The following TREH variants were observed in gnomAD, a reference collection of about 807,000 sequenced individuals.
The protein encoded by TREH is trehalase, also known as alpha,alpha-trehalose glucohydrolase.
In TREH, 69 loss-of-function variants were observed where a neutral mutation model predicts 80.5. The observed-to-expected ratio is 0.86, with a 90% confidence interval of 0.71 to 1.05. TREH has a LOEUF of 1.05. Among genes scored for constraint, TREH ranks in the 50% least tolerant of loss-of-function variants. The pLI is 0.00. For missense variants in TREH, 716 were observed against 718.8 expected, an observed-to-expected ratio of 1.00 and a Z score of 0.04; for synonymous variants, 309 against 293.5, an observed-to-expected ratio of 1.05 and a Z score of -0.54.
Position 118,659,866 on chromosome 11 carries a change from C to G in TREH, c.1201G>C (p.Asp401His), listed in dbSNP as rs199814175. ...TTCTTCTTCTTCTCAAGGTCGTAAT[C>G]GAACCAGGCTCCGGTCTGCTCATCC... ...LWDEQTGAWF[D>H]YDLEKKKKNR... Residue 401 changes from aspartate to histidine, a missense_variant, in exon 11 of 15, where the codon GAT (aspartate) becomes CAT (histidine). Transcript: ENST00000264029. The G allele has an allele frequency of 6.4e-7, 1 of 1,553,162 alleles. No homozygotes were observed. Among genetic ancestry groups the G allele is most frequent in the Non-Finnish European group, 8.7e-7 (1 of 1,147,672 alleles).
chr11:118,661,642 C>T lies in TREH; in HGVS notation c.612G>A (p.Val204=), dbSNP rs1555145004. Residue 204 remains valine (V), a synonymous_variant, in exon 6 of 15, where the codon GTG becomes GTA. Transcript: ENST00000264029. The surrounding 1 kb of genome is among the most constrained non-coding windows in gnomAD (Gnocchi z 4.2). ...KGMLQNFLDL[V]KTYGHVPNGG... ...AGGTGCCTGGCCCCCCTCACGTTTT[C>T]ACCAGGTCCAAGAAGTTCTGCAGCA... 2 of 1,613,808 alleles carry T rather than the reference C, an allele frequency of 1.2e-6. No homozygotes were observed. The highest frequency in any genetic ancestry group is 1.7e-5 in the Admixed American group (1 of 60,014).
chr11:118,658,915 ATGGCTGAC>A lies in TREH; in HGVS notation c.1527_1534del (p.Lys509AsnfsTer3). On this transcript the variant is annotated frameshift_variant, in exon 13 of 15. Transcript: ENST00000264029. LOFTEE classifies it high-confidence loss of function. ...CTTGGGCCAGCTCACCTTCTCATAC[ATGGCTGAC>A]TTCTGCGAGTAGACATCAAAATTGG... 1 of 1,613,860 alleles carries A rather than the reference ATGGCTGAC, an allele frequency of 6.2e-7. No individual in the cohort carries two copies. Among genetic ancestry groups the A allele is most frequent in the Non-Finnish European group, 8.5e-7 (1 of 1,179,830 alleles).
chr11:118,662,055 T>A, intron 4 of TREH, 65 bp from the exon 5 acceptor site: 1 of 1,363,284 alleles, frequency 7.3e-7, no homozygotes, highest in Non-Finnish European at 1.0e-6. Context: ...TACAGGCAGC[T>A]GGGGGATCTG....
Position 118,661,443 on chromosome 11 carries a change from G to A in TREH, c.684C>T (p.Thr228=), listed in dbSNP as rs782642095. 2.5e-6 allele frequency: 4 copies of A among 1,613,944 alleles called. No homozygotes were observed. Among genetic ancestry groups the A allele is most frequent in the Non-Finnish European group, 3.4e-6 (4 of 1,179,868 alleles). The change falls in exon 7 of 15, where the codon ACC becomes ACT. Residue 228 remains threonine, a synonymous_variant. Transcript: ENST00000264029. The surrounding 1 kb of genome is among the most constrained non-coding windows in gnomAD (Gnocchi z 4.2). Reference sequence around the variant, plus strand: ...GAGTCAAGTAGCAATCCATCATGAGGGTCAAGAGTGGGGGCTGGCTCCGCT... The same window carrying A: ...GAGTCAAGTAGCAATCCATCATGAGAGTCAAGAGTGGGGGCTGGCTCCGCT... ...YLQRSQPPLL[T]LMMDCYLTHT...
chr11:118,658,122 G>A lies in TREH; in HGVS notation c.*167C>T. 1 of 939,862 alleles carries A rather than the reference G, an allele frequency of 1.1e-6. No individual in the cohort carries two copies. The highest frequency in any genetic ancestry group is 1.6e-6 in the Non-Finnish European group (1 of 639,010). 58.2% of individuals were successfully genotyped at this position (939,862 alleles called of 1,614,324 possible). A position where few individuals can be genotyped will look rare whatever the true frequency, so the allele number is the denominator to read the frequency against. On this transcript the variant is annotated 3_prime_UTR_variant, in exon 15 of 15. Transcript: ENST00000264029. ...ATTTCCACCCTATTCAAGGTTCCAG[G>A]AGGGAGCTAGGCCCCTACCCATGAC...
chr11:118,677,627 A>G (rs892173031), intron 1 of TREH, among the ~76,000 whole-genome samples: 1 of 152,214 alleles, frequency 6.6e-6, no homozygotes, highest in Non-Finnish European at 1.5e-5. Context: ...GGGGAGGCTG[A>G]GGCAGGAGAA....
chr11:118,672,713 C>CAAAAAAAAAA (rs58199596), intron 1 of TREH, among the ~76,000 whole-genome samples: 1 of 43,944 alleles, frequency 2.3e-5, no homozygotes, highest in African/African-American at 8.6e-5. Context: ...GACTCCATCT[C>CAAAAAAAAAA]AAAAAAAAAA....
chr11:118,660,140 G>T (rs547473905), intron 10 of TREH, among the ~76,000 whole-genome samples, 176 bp from the exon 11 acceptor site: 2 of 152,192 alleles, frequency 1.3e-5, no homozygotes, highest in African/African-American at 2.4e-5. Context: ...CTATGGCCCC[G>T]CACTGCTCCC....
rs377260560 is a variant in TREH at position 118,663,570 on chromosome 11, C to CGTGT, written c.90-135_90-132dup. On this transcript the variant is annotated intron_variant, in intron 1 of 14. Coordinates refer to ENST00000264029, the MANE Select transcript of TREH (RefSeq NM_007180.3). ...ACTGGACAAGGGCTGTGTGTGCGTG[C>CGTGT]GTGTGTGTGTGTGTGTTAGGAGTTT... 9 of 692,028 alleles carry CGTGT rather than the reference C, an allele frequency of 1.3e-5. No individual in the cohort carries two copies. The Admixed American group carries it at 1.5e-4, about 11-fold the overall frequency. The allele number at this position is 692,028 out of a possible 1,614,324, so 42.9% of individuals were successfully genotyped here.
Position 118,661,439 on chromosome 11 carries a change from T to G in TREH, c.688A>C (p.Met230Leu). The G allele has an allele frequency of 6.2e-7, 1 of 1,613,880 alleles. No individual in the cohort carries two copies. The highest frequency in any genetic ancestry group is 8.5e-7 in the Non-Finnish European group (1 of 1,179,848). ...QRSQPPLLTL[M>L]MDCYLTHTND... ...GTGTGAGTCAAGTAGCAATCCATCA[T>G]GAGGGTCAAGAGTGGGGGCTGGCTC... is the stretch of plus-strand genomic sequence containing the variant. Residue 230 changes from methionine to leucine, a missense_variant, in exon 7 of 15, where the codon ATG (methionine) becomes CTG (leucine). Physicochemically the swap from Met to Leu is conservative, Grantham distance 15 (BLOSUM62 2). Transcript: ENST00000264029. The surrounding 1 kb of genome is among the most constrained non-coding windows in gnomAD (Gnocchi z 4.2).
chr11:118,679,557 A>G lies in TREH; in HGVS notation c.71T>C (p.Leu24Pro). Residue 24 changes from leucine (L) to proline (P), a missense_variant, in exon 1 of 15, where the codon CTA becomes CCA. Physicochemically the swap from Leu to Pro is moderately conservative, Grantham distance 98. Transcript: ENST00000264029. Reference protein sequence around the residue: ...LGLGLGSQEALPPPCESEIYC... With the variant: ...LGLGLGSQEAPPPPCESEIYC... ...CCCCTACCTCTCACAGGGTGGGGGT[A>G]GGGCCTCCTGGGACCCCAGTCCCAG... 2.6e-6 allele frequency: 4 copies of G among 1,543,114 alleles called. No homozygotes were observed. Among genetic ancestry groups the G allele is most frequent in the Middle Eastern group, 1.7e-4 (1 of 5,918 alleles).
chr11:118,675,277 C>G (rs1949467236), intron 1 of TREH, among the ~76,000 whole-genome samples: 2 of 152,192 alleles, frequency 1.3e-5, no homozygotes, highest in African/African-American at 4.8e-5. Flanking sequence ...TTTTCTGACA[C>G]CAACTGCAAT....
At chr11:118,663,293 G>A in intron 2 of TREH, 46 bp downstream of exon 2, 1 of 1,562,842 alleles carries the variant, frequency 6.4e-7, no homozygotes, top group East Asian at 2.4e-5. Flanking sequence ...TGCCTTCTTT[G>A]GAGAGAAGGT....
In TREH at chr11:118,658,362, A is replaced by G; in HGVS notation, c.1679T>C (p.Leu560Pro). The G allele has an allele frequency of 6.2e-7, 1 of 1,605,818 alleles. No individual in the cohort carries two copies. Among genetic ancestry groups the G allele is most frequent in the African/African-American group, 1.3e-5 (1 of 74,868 alleles). ...YGDRLTSGAKLAFLEPHCLAA... is the reference protein window; with the variant it reads ...YGDRLTSGAKPAFLEPHCLAA... ...CAGGCAGTGGGGCTCCAGGAAAGCC[A>G]GCTTGGCCCCTGAGGTCAGCCGGTC... is the stretch of plus-strand genomic sequence containing the variant. The change falls in exon 15 of 15, where the codon CTG becomes CCG. Residue 560 changes from leucine to proline, a missense_variant. Physicochemically the swap from Leu to Pro is moderately conservative, Grantham distance 98. Coordinates refer to ENST00000264029, the MANE Select transcript of TREH (RefSeq NM_007180.3).
In TREH at chr11:118,661,101, G is replaced by A; in HGVS notation, c.857+59C>T. 1 of 1,610,158 alleles carries A rather than the reference G, an allele frequency of 6.2e-7. No individual in the cohort carries two copies. The highest frequency in any genetic ancestry group is 1.1e-5 in the South Asian group (1 of 90,822). ...CTCCTCCTCCTGCCCGGGGCATTGTGATGCTCTAACCAGAGTGAGCAGGTA... is the reference window on the plus strand; with the variant it reads ...CTCCTCCTCCTGCCCGGGGCATTGTAATGCTCTAACCAGAGTGAGCAGGTA... On this transcript the variant is annotated intron_variant, in intron 8 of 14. Coordinates refer to ENST00000264029, the MANE Select transcript of TREH (RefSeq NM_007180.3). This position sits in a 1 kb window ranked among gnomAD's most constrained non-coding sequence, Gnocchi z 4.2.
At chr11:118,666,602 C>T (rs1380367910) in intron 1 of TREH, among the ~76,000 whole-genome samples, 1 of 152,220 alleles carries the variant, frequency 6.6e-6, no homozygotes, top group Non-Finnish European at 1.5e-5. Context: ...TTTCAGGTTA[C>T]ATCTACTACG....
chr11:118,658,855 G>A, intron 13 of TREH, 50 bp downstream of exon 13: 4 of 1,608,442 alleles, frequency 2.5e-6, no homozygotes, highest in Non-Finnish European at 3.4e-6. Flanking sequence ...GTGCTCAGGA[G>A]TGGCCACTGG....
intron 12 of TREH, 93 bp downstream of exon 12, chr11:118,659,277 C>G (rs1243031062): frequency 3.6e-5 from 40 of 1,114,972 alleles, no homozygotes; most frequent in Non-Finnish European, 2.0e-5. Flanking sequence ...TACGGGGCCT[C>G]TTGTGTCTTT....
rs781883456 is a variant in TREH, at chr11:118,658,397, G to T, written c.1644C>A (p.Asp548Glu). 6.2e-7 allele frequency: 1 copy of T among 1,610,866 alleles called. No homozygotes were observed. Among genetic ancestry groups the T allele is most frequent in the Non-Finnish European group, 8.5e-7 (1 of 1,179,204 alleles). Reference sequence around the variant, plus strand: ...CTGAGGTCAGCCGGTCACCATAGCGGTCCAGCAGCATCAGGACCACGCCAT... The same window carrying T: ...CTGAGGTCAGCCGGTCACCATAGCGTTCCAGCAGCATCAGGACCACGCCAT... ...WTNGVVLMLL[D>E]RYGDRLTSGA... is the part of the protein sequence containing the mutation. Residue 548 changes from aspartate (D) to glutamate (E), a missense_variant, in exon 15 of 15, where the codon GAC (aspartate) becomes GAA (glutamate). By Grantham distance (45) the Asp-to-Glu change is conservative (BLOSUM62 2). Coordinates refer to ENST00000264029, the MANE Select transcript of TREH (RefSeq NM_007180.3).
Sources: gnomAD v4.1 joint callset for allele counts (sites outside exome capture counted in the v4.1 genomes callset) on GRCh38, gnomAD v4.1.1 for gene constraint, Gnocchi (gnomAD v3.1) non-coding constraint, MANE v1.5 for transcripts, NCBI Gene and HGNC (gene_info 2026-07-23, HGNC 2026-07-21) for gene names.